The following SLC35D2 variants were observed in gnomAD, a reference collection of about 807,000 sequenced individuals.
SLC35D2 encodes the protein nucleotide sugar transporter SLC35D2.
Under a neutral mutation model 41.8 loss-of-function variants are expected in SLC35D2, and 43 were observed. The ratio of observed to expected loss-of-function variants is 1.03; its 90% CI spans 0.81 to 1.33. The LOEUF (loss-of-function observed/expected upper bound fraction) is 1.33. SLC35D2 is among the 40% of genes most tolerant of loss of function. The probability of loss-of-function intolerance (pLI) is 0.00; values close to 1 mark genes in which losing one functional copy is unlikely to be tolerated. For synonymous variants in SLC35D2, 150 were observed against 163.9 expected (o/e 0.92, Z 0.65); for missense variants, 380 against 408.4 (o/e 0.93, Z 0.60).
intron 1 of SLC35D2, among the ~76,000 whole-genome samples, chr9:96,369,149 G>A (rs1055804429): frequency 1.3e-5 from 2 of 152,058 alleles, no homozygotes; most frequent in Non-Finnish European, 2.9e-5. Flanking sequence ...ATGCAGCAAG[G>A]TTGTGGACAC....
chr9:96,317,117 G>C (rs2130816188), downstream of SLC35D2, among the ~76,000 whole-genome samples: 1 of 149,516 alleles, frequency 6.7e-6, no homozygotes, highest in East Asian at 2.0e-4. Context: ...CAGCCTGGGA[G>C]ACAGAGCAAG....
Position 96,345,413 on chromosome 9 carries a change from A to G in SLC35D2, c.489-12T>C. On this transcript the variant is annotated splice_polypyrimidine_tract_variant and intron_variant, in intron 6 of 11. Coordinates refer to ENST00000253270, the MANE Select transcript of SLC35D2 (RefSeq NM_007001.3). Reference sequence around the variant, plus strand: ...AAGCAAGGTCAGACCTGGGAGGGAGACCACAAAGGGAGAATGATTACTCAA... The same window carrying G: ...AAGCAAGGTCAGACCTGGGAGGGAGGCCACAAAGGGAGAATGATTACTCAA... The G allele has an allele frequency of 1.4e-6, 2 of 1,437,666 alleles. No individual in the cohort carries two copies. The highest frequency in any genetic ancestry group is 9.8e-7 in the Non-Finnish European group (1 of 1,023,744). 89.1% of individuals were successfully genotyped at this position (1,437,666 alleles called of 1,614,324 possible). A position where few individuals can be genotyped will look rare whatever the true frequency, so the allele number is the denominator to read the frequency against.
In SLC35D2 at chr9:96,324,148, C is replaced by G. The variant is rs145858517; in HGVS notation, c.774G>C (p.Thr258=). Residue 258 remains threonine (T), a synonymous_variant, in exon 10 of 12, where the codon ACG becomes ACC. Coordinates refer to ENST00000253270, the MANE Select transcript of SLC35D2 (RefSeq NM_007001.3). ...CFLGFLLMYS[T]VLCSYYNSAL... ...CTGAATTGTAATAGCTGCACAGAAC[C>G]GTGGAGTACATCAGCAGAAACCTGT... 1.9e-6 allele frequency: 3 copies of G among 1,613,834 alleles called. No homozygotes were observed. In the East Asian group the frequency reaches 6.7e-5, roughly 36 times the overall value.
intron 3 of SLC35D2, among the ~76,000 whole-genome samples, chr9:96,363,536 AACCCAGCAACTGTTCAAC>A: frequency 6.6e-6 from 1 of 152,352 alleles, no homozygotes; most frequent in East Asian, 1.9e-4. Context: ...TAATGTCTGG[AACCCAGCAACTGTTCAAC>A]AAACGTTAGT....
At chr9:96,332,378 C>A (rs1436839627) in intron 9 of SLC35D2, among the ~76,000 whole-genome samples, 1 of 152,184 alleles carries the variant, frequency 6.6e-6, no homozygotes, top group African/African-American at 2.4e-5. Flanking sequence ...TCCTAGCATA[C>A]TTTGACTGAG....
intron 3 of SLC35D2, 70 bp from the exon 4 acceptor site, chr9:96,360,291 A>C: frequency 2.6e-6 from 3 of 1,166,930 alleles, no homozygotes; most frequent in Non-Finnish European, 3.7e-6. Flanking sequence ...ACATATAAAA[A>C]TGGTGACAGA....
chr9:96,321,411 C>T (rs1192638636), intron 11 of SLC35D2, 70 bp from the exon 12 acceptor site: 13 of 1,061,326 alleles, frequency 1.2e-5, no homozygotes, highest in Middle Eastern at 2.0e-4. Flanking sequence ...CAGTTGCTGG[C>T]GTTTTTATCA....
Position 96,345,403 on chromosome 9 carries a change from T to G in SLC35D2, c.489-2A>C. ...TCTAAGTTAAAAGCAAGGTCAGACC[T>G]GGGAGGGAGACCACAAAGGGAGAAT... On this transcript the variant is annotated splice_acceptor_variant, in intron 6 of 11. Coordinates refer to ENST00000253270, the MANE Select transcript of SLC35D2 (RefSeq NM_007001.3). LOFTEE classifies it high-confidence loss of function. 1 of 1,530,920 alleles carries G rather than the reference T, an allele frequency of 6.5e-7. No homozygotes were observed. Among genetic ancestry groups the G allele is most frequent in the Non-Finnish European group, 9.0e-7 (1 of 1,108,402 alleles). The allele number at this position is 1,530,920 out of a possible 1,614,324, so 94.8% of individuals were successfully genotyped here.
intron 1 of SLC35D2, among the ~76,000 whole-genome samples, chr9:96,379,883 T>G (rs1587731497): frequency 6.6e-6 from 1 of 150,812 alleles, no homozygotes; most frequent in African/African-American, 2.4e-5. Context: ...AAGTTAAAGA[T>G]AGAAAGGCTA....
At chr9:96,331,563 T>C (rs192703314) in intron 9 of SLC35D2, among the ~76,000 whole-genome samples, 26 of 152,150 alleles carry the variant, frequency 1.7e-4, no homozygotes, top group Admixed American at 5.9e-4. Flanking sequence ...GTCTTCAAAA[T>C]TCTCCTTGGA....
rs1176980525 is a variant in SLC35D2, at chr9:96,344,538, A to AG, written c.592-543dup. 5.8e-4 allele frequency among the ~76,000 whole-genome samples: 67 copies of AG among 116,314 alleles called. 1 individual carries two copies. The highest frequency in any genetic ancestry group is 2.4e-3 in the African/African-American group (63 of 26,484). 76.3% of individuals were successfully genotyped at this position (116,314 alleles called of 152,430 possible). A position where few individuals can be genotyped will look rare whatever the true frequency, so the allele number is the denominator to read the frequency against. On this transcript the variant is annotated intron_variant, in intron 7 of 11. Transcript: ENST00000253270. ...AAAAAAAAAAAAAAAAAGGCCATGCAGGGGAAAAAAAAAAAAAACAGAGCA... is the reference window on the plus strand; with the variant it reads ...AAAAAAAAAAAAAAAAAGGCCATGCAGGGGGAAAAAAAAAAAAAACAGAGCA...
At chr9:96,325,053 G>T (rs957458150) in intron 9 of SLC35D2, among the ~76,000 whole-genome samples, 13 of 152,206 alleles carry the variant, frequency 8.5e-5, no homozygotes, top group Non-Finnish European at 1.9e-4. Flanking sequence ...GATTGAAATA[G>T]ATTCCACTTG....
chr9:96,349,317 T>C (rs1829713101), intron 6 of SLC35D2, among the ~76,000 whole-genome samples: 1 of 152,084 alleles, frequency 6.6e-6, no homozygotes, highest in South Asian at 2.1e-4. Context: ...TCCTTTACAA[T>C]TTTTGTCTCC....
intron 6 of SLC35D2, among the ~76,000 whole-genome samples, chr9:96,350,179 G>C (rs1829750760): frequency 6.6e-6 from 1 of 151,864 alleles, no homozygotes; most frequent in Non-Finnish European, 1.5e-5. Context: ...AGCATGATTT[G>C]TTTTTCTTAG....
At chr9:96,346,813 C>A (rs1373101177) in intron 6 of SLC35D2, among the ~76,000 whole-genome samples, 2 of 150,858 alleles carry the variant, frequency 1.3e-5, no homozygotes, top group Non-Finnish European at 2.9e-5. Context: ...AGTCAGAATT[C>A]TCCCTCAGTC....
Position 96,322,043 on chromosome 9 carries a change from C to T in SLC35D2, c.869G>A (p.Gly290Glu). 1 of 1,608,272 alleles carries T rather than the reference C, an allele frequency of 6.2e-7. No individual in the cohort carries two copies. The highest frequency in any genetic ancestry group is 8.5e-7 in the Non-Finnish European group (1 of 1,175,342). Residue 290 changes from glycine (G) to glutamate (E), a missense_variant, in exon 11 of 12, where the codon GGA (glycine) becomes GAA (glutamate). Gly to Glu is a moderately conservative substitution (Grantham distance 98). Coordinates refer to ENST00000253270, the MANE Select transcript of SLC35D2 (RefSeq NM_007001.3). ...GTTTAACAAAGAGAAAATGTAGTCTCCACCGATTAATATCCCAATGTAGGC... is the reference window on the plus strand; with the variant it reads ...GTTTAACAAAGAGAAAATGTAGTCTTCACCGATTAATATCCCAATGTAGGC... ...SVAYIGILIG[G>E]DYIFSLLNFV...
intron 2 of SLC35D2, among the ~76,000 whole-genome samples, chr9:96,367,694 A>G (rs1830529438): frequency 6.6e-6 from 1 of 151,910 alleles, no homozygotes. Context: ...AGCTGGAAGA[A>G]TTTCTTGAAC....
chr9:96,321,148 G>T lies in SLC35D2; in HGVS notation c.*94C>A. The T allele has an allele frequency of 1.1e-6, 1 of 906,504 alleles. No individual in the cohort carries two copies. Among genetic ancestry groups the T allele is most frequent in the Non-Finnish European group, 1.8e-6 (1 of 566,008 alleles). The allele number at this position is 906,504 out of a possible 1,614,324, so 56.2% of individuals were successfully genotyped here. A position where few individuals can be genotyped will look rare whatever the true frequency, so the allele number is the denominator to read the frequency against. On this transcript the variant is annotated 3_prime_UTR_variant, in exon 12 of 12. Transcript: ENST00000253270. ...GCTCTCACTTGCCCAGGGGGTGGATGTCACGAATCCGAAACCTCTGGCTTC... is the reference window on the plus strand; with the variant it reads ...GCTCTCACTTGCCCAGGGGGTGGATTTCACGAATCCGAAACCTCTGGCTTC...
intron 1 of SLC35D2, among the ~76,000 whole-genome samples, chr9:96,382,464 T>C (rs1056773306): frequency 5.2e-5 from 5 of 95,530 alleles, no homozygotes; most frequent in African/African-American, 3.0e-4. Context: ...AAAAAAATAT[T>C]ATACACACAC....
Sources: allele counts gnomAD v4.1 joint callset (sites outside exome capture counted in the v4.1 genomes callset), GRCh38; gene constraint gnomAD v4.1.1; transcripts MANE v1.5; gene names NCBI Gene and HGNC (gene_info 2026-07-23, HGNC 2026-07-21).